The following CYP39A1 variants were observed in gnomAD, a reference collection of about 807,000 sequenced individuals.
CYP39A1 encodes 24-hydroxycholesterol 7-alpha-hydroxylase.
CYP39A1 carries 49 observed loss-of-function variants against 58.1 expected under a neutral mutation model. That is an observed-to-expected ratio of 0.84 (90% confidence interval 0.67 to 1.07). The LOEUF (loss-of-function observed/expected upper bound fraction) is 1.07, where lower values mean the gene tolerates loss of function less well. Among genes scored for constraint, CYP39A1 ranks in the 50% least tolerant of loss-of-function variants. CYP39A1 has a pLI of 0.00. For missense variants in CYP39A1, 531 were observed against 539.4 expected (o/e 0.98, Z 0.16); for synonymous variants, 209 against 187.6 (o/e 1.11, Z -0.93).
At chr6:46,576,483 T>C (rs1479757721) in intron 10 of CYP39A1, among the ~76,000 whole-genome samples, 1 of 152,188 alleles carries the variant, frequency 6.6e-6, no homozygotes, top group African/African-American at 2.4e-5. Context: ...TCCCCAGCTA[T>C]AGTTCTCAAC....
Position 46,577,892 on chromosome 6 carries a change from T to G in CYP39A1, c.1250+9185A>C, listed in dbSNP as rs140777254. On this transcript the variant is annotated intron_variant, in intron 10 of 11. Transcript: ENST00000275016. Reference sequence around the variant, plus strand: ...TCATCAAAGCAGAAAATCTAACAAATATATTCAGAACCTAAATTCAACACT... The same window carrying G: ...TCATCAAAGCAGAAAATCTAACAAAGATATTCAGAACCTAAATTCAACACT... 2.8e-3 allele frequency among the ~76,000 whole-genome samples: 424 copies of G among 152,106 alleles called. 1 individual carries two copies. Among genetic ancestry groups the G allele is most frequent in the Admixed American group, 6.8e-3 (104 of 15,256 alleles).
chr6:46,647,903 A>T (rs999702876), intron 1 of CYP39A1, among the ~76,000 whole-genome samples: 13 of 152,180 alleles, frequency 8.5e-5, no homozygotes, highest in South Asian at 4.1e-4. Flanking sequence ...GATTGCAAAA[A>T]TTTTTTCCCA....
intron 7 of CYP39A1, among the ~76,000 whole-genome samples, chr6:46,605,988 G>A (rs1314367688): frequency 2.0e-5 from 3 of 152,000 alleles, no homozygotes; most frequent in African/African-American, 7.2e-5. Flanking sequence ...TGGCAACTAC[G>A]GTCAGTTTGT....
intron 10 of CYP39A1, among the ~76,000 whole-genome samples, chr6:46,557,789 T>C (rs1411976609): frequency 6.6e-6 from 1 of 150,876 alleles, no homozygotes; most frequent in Non-Finnish European, 1.5e-5. Flanking sequence ...ATACAAAAAT[T>C]AGCCAGGTGT....
intron 7 of CYP39A1, among the ~76,000 whole-genome samples, chr6:46,622,529 C>T (rs1371684651): frequency 6.7e-6 from 1 of 149,466 alleles, no homozygotes; most frequent in Non-Finnish European, 1.5e-5. Flanking sequence ...AGGAGGATCA[C>T]TTGAGCCCAG....
intron 7 of CYP39A1, among the ~76,000 whole-genome samples, chr6:46,612,585 G>T (rs1774278989): frequency 6.6e-6 from 1 of 152,292 alleles, no homozygotes; most frequent in African/African-American, 2.4e-5. Flanking sequence ...TAAAAGCTAG[G>T]CTAGCAAAGG....
intron 1 of CYP39A1, among the ~76,000 whole-genome samples, chr6:46,651,894 G>A (rs1274771928): frequency 6.6e-6 from 1 of 152,136 alleles, no homozygotes; most frequent in Non-Finnish European, 1.5e-5. Context: ...CTACAAGGAG[G>A]ATTACTAGTC....
At chr6:46,649,762 G>A (rs1483849641) in intron 1 of CYP39A1, among the ~76,000 whole-genome samples, 5 of 152,322 alleles carry the variant, frequency 3.3e-5, no homozygotes, top group African/African-American at 1.2e-4. Context: ...GGAAAAAGAG[G>A]TTGAAGGGAC....
intron 7 of CYP39A1, among the ~76,000 whole-genome samples, chr6:46,622,257 G>A (rs1775001463): frequency 6.6e-6 from 1 of 151,996 alleles, no homozygotes; most frequent in Admixed American, 6.6e-5. Flanking sequence ...AGTGTTGATG[G>A]TTGCAATCTT....
intron 10 of CYP39A1, among the ~76,000 whole-genome samples, chr6:46,585,258 T>C (rs1336361282): frequency 6.6e-6 from 1 of 152,096 alleles, no homozygotes; most frequent in East Asian, 1.9e-4. Flanking sequence ...TTTCAGTCAT[T>C]GGTTTAAAAT....
intron 1 of CYP39A1, among the ~76,000 whole-genome samples, chr6:46,646,771 T>C (rs1015004569): frequency 6.6e-6 from 1 of 151,424 alleles, no homozygotes; most frequent in African/African-American, 2.5e-5. Context: ...GTATTGTATA[T>C]TGGATAGTTT....
intron 10 of CYP39A1, among the ~76,000 whole-genome samples, chr6:46,582,314 T>C (rs2150504320): frequency 6.6e-6 from 1 of 152,280 alleles, no homozygotes; most frequent in Non-Finnish European, 1.5e-5. Context: ...AAGCTACTAA[T>C]AACACTTCTC....
intron 10 of CYP39A1, chr6:46,583,643 G>T: frequency 4.1e-6 from 4 of 966,780 alleles, no homozygotes; most frequent in Non-Finnish European, 4.9e-6. Context: ...TTACTAGAAA[G>T]ATTTTCTTCC....
intron 10 of CYP39A1, among the ~76,000 whole-genome samples, chr6:46,579,354 T>C (rs1166486038): frequency 2.6e-5 from 4 of 152,042 alleles, no homozygotes; most frequent in African/African-American, 9.7e-5. Flanking sequence ...AGGAGGAACA[T>C]ACCTCAAAAT....
At chr6:46,567,765 C>A (rs887774321) in intron 10 of CYP39A1, among the ~76,000 whole-genome samples, 3 of 152,228 alleles carry the variant, frequency 2.0e-5, no homozygotes, top group Admixed American at 6.5e-5. Context: ...CACACACAGA[C>A]TAGGGTGGCC....
chr6:46,636,753 T>C (rs1378927773), intron 4 of CYP39A1, among the ~76,000 whole-genome samples: 2 of 152,228 alleles, frequency 1.3e-5, no homozygotes, highest in Admixed American at 6.5e-5. Flanking sequence ...GAACCCACAC[T>C]TGCTTGGTCT....
chr6:46,631,020 T>A lies in CYP39A1; in HGVS notation c.783A>T (p.Glu261Asp). The change falls in exon 6 of 12, where the codon GAA (glutamate) becomes GAT (aspartate). Residue 261 changes from glutamate to aspartate, a missense_variant. Physicochemically the swap from Glu to Asp is conservative, Grantham distance 45. Transcript: ENST00000275016. ...LDIVETETSK[E>D]NSPNYGLLLL... ...GTAAGAGCCCATAATTGGGTGAGTTTTCCTTACTTGTTTCCGTCTCTACAA... is the reference window on the plus strand; with the variant it reads ...GTAAGAGCCCATAATTGGGTGAGTTATCCTTACTTGTTTCCGTCTCTACAA... 1 of 1,614,104 alleles carries A rather than the reference T, an allele frequency of 6.2e-7. No homozygotes were observed. Among genetic ancestry groups the A allele is most frequent in the South Asian group, 1.1e-5 (1 of 91,084 alleles).
intron 10 of CYP39A1, among the ~76,000 whole-genome samples, chr6:46,585,328 T>TAGAC (rs1162202232): frequency 6.9e-6 from 1 of 144,532 alleles, no homozygotes; most frequent in African/African-American, 2.7e-5. Flanking sequence ...TTGGTATAGA[T>TAGAC]AGATAGATAG....
At chr6:46,583,580 T>C in intron 10 of CYP39A1, 1 of 985,412 alleles carries the variant, frequency 1.0e-6, no homozygotes, top group Non-Finnish European at 1.2e-6. Flanking sequence ...CTGTTTGTTT[T>C]TCTGAAACAA....
Sources: gnomAD v4.1 joint callset for allele counts (sites outside exome capture counted in the v4.1 genomes callset) on GRCh38, gnomAD v4.1.1 for gene constraint, MANE v1.5 for transcripts, NCBI Gene and HGNC (gene_info 2026-07-23, HGNC 2026-07-21) for gene names.